The following RTTN variants were observed in gnomAD, a reference collection of about 807,000 sequenced individuals.
RTTN encodes rotatin.
RTTN carries 182 observed loss-of-function variants against 269.2 expected under a neutral mutation model. The observed-to-expected ratio is 0.68, with a 90% CI of 0.60 to 0.76. RTTN has a LOEUF of 0.76. Ranked by LOEUF, RTTN falls within the 30% of genes least tolerant of loss-of-function variation. The pLI, the probability that RTTN is intolerant of heterozygous loss-of-function variation, is 0.00. For synonymous variants in RTTN, 1,006 were observed against 963.5 expected, an observed-to-expected ratio of 1.04 and a Z score of -0.82; for missense variants, 2,545 against 2,608.6, an observed-to-expected ratio of 0.98 and a Z score of 0.53.
At chr18:70,073,757 A>G in intron 34 of RTTN, 149 bp downstream of exon 34, 1 of 562,114 alleles carries the variant, frequency 1.8e-6, no homozygotes, top group Non-Finnish European at 3.2e-6. Flanking sequence ...CAGCTTGAAT[A>G]CAATAATTTA....
chr18:70,086,599 T>A lies in RTTN; in HGVS notation c.4374+14A>T. 6.4e-7 allele frequency: 1 copy of A among 1,558,516 alleles called. No individual in the cohort carries two copies. The highest frequency in any genetic ancestry group is 8.7e-7 in the Non-Finnish European group (1 of 1,144,222). On this transcript the variant is annotated intron_variant, in intron 32 of 48. Transcript: ENST00000640769. ...AAACATCTACTAGGTTGATAATTGT[T>A]TAAAATCACCCACCTGCCAAGTATA...
chr18:70,059,791 T>C (rs2144892082), intron 36 of RTTN, 59 bp downstream of exon 36: 1 of 1,146,636 alleles, frequency 8.7e-7, no homozygotes, highest in Non-Finnish European at 1.2e-6. Flanking sequence ...AAGTCATGAA[T>C]ACAGTTTGTG....
At chr18:70,154,918 A>T (rs140870206) in intron 14 of RTTN, among the ~76,000 whole-genome samples, 3 of 152,290 alleles carry the variant, frequency 2.0e-5, no homozygotes, top group African/African-American at 7.2e-5. Flanking sequence ...CTACTATTTG[A>T]TATTATCAAA....
At chr18:70,033,732 A>T (rs2057087483) in intron 40 of RTTN, among the ~76,000 whole-genome samples, 2 of 152,206 alleles carry the variant, frequency 1.3e-5, no homozygotes, top group South Asian at 4.1e-4. Flanking sequence ...TCAGAGCTAA[A>T]GGAGACTGAG....
intron 17 of RTTN, 72 bp downstream of exon 17, chr18:70,148,829 A>C: frequency 6.4e-7 from 1 of 1,563,510 alleles, no homozygotes; most frequent in South Asian, 1.2e-5. Flanking sequence ...GTTTCAAATT[A>C]TATATAGTTA....
In RTTN at chr18:70,020,641, G is replaced by A. The variant is rs1279815065; in HGVS notation, c.6127C>T (p.His2043Tyr). The A allele has an allele frequency of 6.2e-7, 1 of 1,613,958 alleles. No homozygotes were observed. The highest frequency in any genetic ancestry group is 1.1e-5 in the South Asian group (1 of 91,060). ...TTCTGAATTACTCCTTTACAGTCAT[G>A]CGACAAGGCCAGGTTTGAAAGAAGC... ...FMLLSNLALS[H>Y]DCKGVIQKSN... The change falls in exon 45 of 49, where the codon CAT (histidine) becomes TAT (tyrosine). Residue 2043 changes from histidine to tyrosine, a missense_variant. Physicochemically the swap from His to Tyr is moderately conservative, Grantham distance 83 (BLOSUM62 2). Transcript: ENST00000640769.
chr18:70,106,474 G>T (rs906541231), intron 28 of RTTN, among the ~76,000 whole-genome samples: 2 of 152,194 alleles, frequency 1.3e-5, no homozygotes, highest in African/African-American at 4.8e-5. Context: ...GGAAGAATAA[G>T]AAAAGGTTTA....
chr18:70,004,670 T>A (rs9965518), intron 48 of RTTN, among the ~76,000 whole-genome samples: 2,801 of 151,966 alleles, frequency 0.018, 77 homozygotes, highest in African/African-American at 0.064. Flanking sequence ...TATATTACAG[T>A]ACAGGAAAGA....
intron 30 of RTTN, among the ~76,000 whole-genome samples, 173 bp downstream of exon 30, chr18:70,091,937 T>G (rs901672257): frequency 1.3e-5 from 2 of 152,004 alleles, no homozygotes; most frequent in Non-Finnish European, 2.9e-5. Flanking sequence ...ATATTTTTAG[T>G]AGAGATGGGG....
intron 40 of RTTN, among the ~76,000 whole-genome samples, chr18:70,046,239 G>T (rs1413627584): frequency 6.6e-6 from 1 of 152,228 alleles, no homozygotes; most frequent in Non-Finnish European, 1.5e-5. Flanking sequence ...GGTCCAGGAG[G>T]ATTGGTTGCA....
At chr18:70,134,592 T>G in intron 22 of RTTN, 51 bp from the exon 23 acceptor site, 1 of 1,329,072 alleles carries the variant, frequency 7.5e-7, no homozygotes, top group South Asian at 1.3e-5. Context: ...GTAGACCAAG[T>G]TTTGTCTAAC....
At chr18:70,063,840 T>C (rs1435626208) in intron 35 of RTTN, among the ~76,000 whole-genome samples, 2 of 152,042 alleles carry the variant, frequency 1.3e-5, no homozygotes, top group African/African-American at 2.4e-5. Flanking sequence ...GACACCCTGA[T>C]CTCTTATTTC....
At chr18:70,148,532 T>A (rs886260178) in intron 17 of RTTN, among the ~76,000 whole-genome samples, 1 of 152,144 alleles carries the variant, frequency 6.6e-6, no homozygotes, top group African/African-American at 2.4e-5. Flanking sequence ...AGAACAGATG[T>A]TTACAAAAGG....
At chr18:70,024,619 G>A (rs2056800957) in intron 44 of RTTN, 103 bp downstream of exon 44, 2 of 1,080,552 alleles carry the variant, frequency 1.9e-6, no homozygotes, top group South Asian at 3.1e-5. Context: ...ATAAATCAGA[G>A]AAATACTTCA....
Position 70,088,061 on chromosome 18 carries a change from A to G in RTTN, c.4230T>C (p.Ile1410=). ...CVALANSCQN[I]SGGLWGTVVN... ...CCACAGTTCCCCAGAGCCCACCGGA[A>G]ATGTTCTGACAACTGTTTGCTAAGG... is the stretch of plus-strand genomic sequence containing the variant. Residue 1410 remains isoleucine (I), a synonymous_variant, in exon 31 of 49, where the codon ATT becomes ATC. Transcript: ENST00000640769. The G allele has an allele frequency of 6.2e-7, 1 of 1,613,954 alleles. No homozygotes were observed. Among genetic ancestry groups the G allele is most frequent in the South Asian group, 1.1e-5 (1 of 91,072 alleles).
At chr18:70,205,522 A>G (rs1001753103) in intron 1 of RTTN, 106 bp downstream of exon 1, 23 of 1,477,602 alleles carry the variant, frequency 1.6e-5, no homozygotes, top group Non-Finnish European at 2.0e-5. Flanking sequence ...GGGGTGAAAG[A>G]GGGAGCGGTC....
intron 21 of RTTN, among the ~76,000 whole-genome samples, chr18:70,137,057 T>C (rs56804773): frequency 6.6e-6 from 1 of 152,060 alleles, no homozygotes; most frequent in African/African-American, 2.4e-5. Context: ...GAAAAATATA[T>C]TCCTAATGAT....
intron 11 of RTTN, among the ~76,000 whole-genome samples, chr18:70,174,898 C>T (rs994950872): frequency 6.6e-6 from 1 of 150,474 alleles, no homozygotes; most frequent in African/African-American, 2.4e-5. Context: ...TGTGGTGGCT[C>T]ACACCTATAA....
chr18:70,135,652 T>A (rs2060107462), intron 21 of RTTN, among the ~76,000 whole-genome samples: 1 of 152,230 alleles, frequency 6.6e-6, no homozygotes, highest in Non-Finnish European at 1.5e-5. Flanking sequence ...CCGAGTCAGA[T>A]AATTCTAGCT....
Sources: gnomAD v4.1 joint callset for allele counts (sites outside exome capture counted in the v4.1 genomes callset) on GRCh38, gnomAD v4.1.1 for gene constraint, MANE v1.5 for transcripts, NCBI Gene and HGNC (gene_info 2026-07-23, HGNC 2026-07-21) for gene names.